CHAF1B: variants seen among roughly 807,000 people sequenced by gnomAD.
The protein encoded by CHAF1B is CAF-1 subunit B.
A neutral mutation model predicts 60.7 loss-of-function variants in CHAF1B; 10 were observed. That is an observed-to-expected ratio of 0.16 (90% CI 0.10 to 0.28). The LOEUF is 0.28. CHAF1B is among the 10% of genes least tolerant of loss of function. CHAF1B has a pLI of 1.00. For synonymous variants in CHAF1B, 261 were observed against 266.1 expected (o/e 0.98, Z 0.19); for missense variants, 558 against 708.4 (o/e 0.79, Z 2.41).
At chr21:36,394,713 A>G (rs1309331796) in intron 5 of CHAF1B, 63 bp downstream of exon 5, 14 of 1,156,894 alleles carry the variant, frequency 1.2e-5, no homozygotes, top group Non-Finnish European at 1.7e-5. Flanking sequence ...AAAGCCTAAA[A>G]GTCTAACTTG....
intron 9 of CHAF1B, 32 bp downstream of exon 9, chr21:36,408,862 A>C: frequency 1.3e-6 from 2 of 1,515,844 alleles, no homozygotes; most frequent in Non-Finnish European, 1.8e-6. Context: ...TGAAATGTTT[A>C]CATTTTTTTT....
chr21:36,395,009 G>A (rs564266518), intron 5 of CHAF1B, among the ~76,000 whole-genome samples: 1 of 152,114 alleles, frequency 6.6e-6, no homozygotes, highest in East Asian at 1.9e-4. Context: ...GGGATTACAG[G>A]CATGAACCAC....
At chr21:36,404,811 T>G (rs1289754960) in intron 8 of CHAF1B, among the ~76,000 whole-genome samples, 3 of 146,040 alleles carry the variant, frequency 2.1e-5, no homozygotes, top group Non-Finnish European at 4.5e-5. Flanking sequence ...TGGCACCATC[T>G]TGGCTCACTG....
chr21:36,412,843 G>A, intron 11 of CHAF1B, 41 bp from the exon 12 acceptor site: 1 of 1,573,074 alleles, frequency 6.4e-7, no homozygotes, highest in Non-Finnish European at 8.6e-7. Flanking sequence ...ATGTGAGAGT[G>A]TTGGTAAGGT....
chr21:36,410,130 T>C (rs1205124514), intron 10 of CHAF1B, among the ~76,000 whole-genome samples: 1 of 152,080 alleles, frequency 6.6e-6, no homozygotes, highest in Non-Finnish European at 1.5e-5. Context: ...ACCCAGCTAA[T>C]TTTTGTATTT....
At chr21:36,407,936 C>T (rs1443468376) in intron 8 of CHAF1B, among the ~76,000 whole-genome samples, 1 of 151,712 alleles carries the variant, frequency 6.6e-6, no homozygotes, top group Non-Finnish European at 1.5e-5. Flanking sequence ...CAAGATCACG[C>T]CATCGCACTC....
chr21:36,388,468 GTTTTTTT>G lies in CHAF1B; in HGVS notation c.259+752_259+758del, dbSNP rs1168454008. ...TGTTAGTAATTAATTGGCTTTGGGA[GTTTTTTT>G]TTTTTTTTTTTTTGAGACAGTCTCA... On this transcript the variant is annotated intron_variant, in intron 3 of 13. Coordinates refer to ENST00000314103, the MANE Select transcript of CHAF1B (RefSeq NM_005441.3). 2.1e-4 allele frequency among the ~76,000 whole-genome samples: 26 copies of G among 126,338 alleles called. No individual in the cohort carries two copies. In the East Asian group the frequency reaches 5.3e-3, roughly 26 times the overall value. The allele number at this position is 126,338 out of a possible 152,430, so 82.9% of individuals were successfully genotyped here.
At position 36,415,402 on chromosome 21, in the gene CHAF1B, G is replaced by A; in HGVS notation, c.1588+13G>A. On this transcript the variant is annotated intron_variant, in intron 13 of 13. Transcript: ENST00000314103. ...GAAATTCAGTCAGGTAAGTAATATT[G>A]TTACTGGTTTAATATAATGAAAGGT... 3 of 1,449,000 alleles carry A rather than the reference G, an allele frequency of 2.1e-6. No homozygotes were observed. The highest frequency in any genetic ancestry group is 2.9e-6 in the Non-Finnish European group (3 of 1,031,472). The allele number at this position is 1,449,000 out of a possible 1,614,324, so 89.8% of individuals were successfully genotyped here.
rs2086319053 is a variant in CHAF1B at position 36,416,323 on chromosome 21, G to A, written c.1637G>A (p.Arg546Lys). 6.2e-7 allele frequency: 1 copy of A among 1,613,952 alleles called. No homozygotes were observed. The highest frequency in any genetic ancestry group is 1.3e-5 in the African/African-American group (1 of 74,900). The part of the protein sequence containing the change: ...QGSPPELKRP[R>K]LDENKGGTES... Reference sequence around the variant, plus strand: ...AGTCCCCCAGAGCTAAAGCGGCCCAGACTCGATGAAAACAAAGGAGGCACG... The same window carrying A: ...AGTCCCCCAGAGCTAAAGCGGCCCAAACTCGATGAAAACAAAGGAGGCACG... The change falls in exon 14 of 14, where the codon AGA (arginine) becomes AAA (lysine). Residue 546 changes from arginine (R) to lysine (K), a missense_variant. Arg to Lys is a conservative substitution (Grantham distance 26). Coordinates refer to ENST00000314103, the MANE Select transcript of CHAF1B (RefSeq NM_005441.3).
chr21:36,410,858 G>T (rs541815120), intron 10 of CHAF1B, among the ~76,000 whole-genome samples: 1 of 151,866 alleles, frequency 6.6e-6, no homozygotes, highest in East Asian at 1.9e-4. Context: ...GCAGGGTTTT[G>T]CCATGTTGGC....
intron 3 of CHAF1B, among the ~76,000 whole-genome samples, chr21:36,390,023 G>A (rs542082814): frequency 2.6e-5 from 4 of 152,188 alleles, no homozygotes; most frequent in African/African-American, 7.2e-5. Context: ...GTGCGAATAG[G>A]ATTCCGGTTA....
chr21:36,413,674 T>C (rs1259210432), intron 12 of CHAF1B, among the ~76,000 whole-genome samples: 1 of 152,192 alleles, frequency 6.6e-6, no homozygotes, highest in Non-Finnish European at 1.5e-5. Context: ...TTGAGGCCTC[T>C]GTCCTTCCCT....
At chr21:36,385,951 C>T (rs1212944609) in intron 1 of CHAF1B, 109 bp from the exon 2 acceptor site, 1 of 605,810 alleles carries the variant, frequency 1.7e-6, no homozygotes. Flanking sequence ...CAGATGGCAA[C>T]GTTAACATCC....
chr21:36,405,180 T>C (rs1025032624), intron 8 of CHAF1B, among the ~76,000 whole-genome samples: 1 of 152,066 alleles, frequency 6.6e-6, no homozygotes, highest in African/African-American at 2.4e-5. Flanking sequence ...AACAGGAAAA[T>C]GAAATTACAA....
At chr21:36,412,166 C>G (rs1046991410) in intron 11 of CHAF1B, among the ~76,000 whole-genome samples, 5 of 152,208 alleles carry the variant, frequency 3.3e-5, no homozygotes, top group Non-Finnish European at 7.3e-5. Context: ...CTTTGATAAA[C>G]TGAGGGGAGG....
rs200971946 is a variant in CHAF1B, at chr21:36,413,326, G to C, written c.1493+11G>C. The C allele has an allele frequency of 1.3e-6, 2 of 1,545,404 alleles. No homozygotes were observed. The highest frequency in any genetic ancestry group is 2.4e-5 in the South Asian group (2 of 81,922). ...CAAGACAACACCCCGGTAAGAACTT[G>C]TTGGAACAAGATGTCATTGCAAAAT... On this transcript the variant is annotated intron_variant, in intron 12 of 13. Transcript: ENST00000314103.
Position 36,417,346 on chromosome 21 carries a change from T to C in CHAF1B, c.*980T>C, listed in dbSNP as rs2086327808. Reference sequence around the variant, plus strand: ...TATATATATTTTTTTTCTTTTTTTTTTGAGATGGAGTCTCACTCTGTCGCC... The same window carrying C: ...TATATATATTTTTTTTCTTTTTTTTCTGAGATGGAGTCTCACTCTGTCGCC... On this transcript the variant is annotated 3_prime_UTR_variant, in exon 14 of 14. Coordinates refer to ENST00000314103, the MANE Select transcript of CHAF1B (RefSeq NM_005441.3). 1 of 151,716 alleles carries C rather than the reference T, an allele frequency of 6.6e-6. No homozygotes were observed. Among genetic ancestry groups the C allele is most frequent in the South Asian group, 2.1e-4 (1 of 4,808 alleles). The allele number at this position is 151,716 out of a possible 1,614,324, so 9.4% of individuals were successfully genotyped here. A position where few individuals can be genotyped will look rare whatever the true frequency, so the allele number is the denominator to read the frequency against.
chr21:36,409,930 T>C (rs544358552), intron 10 of CHAF1B, among the ~76,000 whole-genome samples: 1 of 152,140 alleles, frequency 6.6e-6, no homozygotes, highest in Admixed American at 6.6e-5. Flanking sequence ...CGTACTCCTT[T>C]TGTTTGTCTA....
rs1376462283 is a variant in CHAF1B at position 36,417,036 on chromosome 21, G to A, written c.*670G>A. ...CATATGCAATTTGGTATCTAAATAG[G>A]TTAGTTTTTTAGATTGGTTTTTCAA... On this transcript the variant is annotated 3_prime_UTR_variant, in exon 14 of 14. Transcript: ENST00000314103. 6.6e-6 allele frequency: 1 copy of A among 152,088 alleles called. No homozygotes were observed. Among genetic ancestry groups the A allele is most frequent in the Non-Finnish European group, 1.5e-5 (1 of 68,008 alleles). The allele number at this position is 152,088 out of a possible 1,614,324, so 9.4% of individuals were successfully genotyped here. A position where few individuals can be genotyped will look rare whatever the true frequency, so the allele number is the denominator to read the frequency against.
Sources: gnomAD v4.1 joint callset for allele counts (sites outside exome capture counted in the v4.1 genomes callset) on GRCh38, gnomAD v4.1.1 for gene constraint, MANE v1.5 for transcripts, NCBI Gene and HGNC (gene_info 2026-07-23, HGNC 2026-07-21) for gene names.